KCNT2: variants seen among roughly 807,000 people sequenced by gnomAD.
KCNT2 encodes the protein potassium sodium-activated channel subfamily T member 2.
KCNT2 carries 67 observed loss-of-function variants against 153.8 expected under a neutral mutation model. The observed-to-expected ratio is 0.44, with a 90% confidence interval of 0.36 to 0.53. The LOEUF (loss-of-function observed/expected upper bound fraction) is 0.53, where lower values mean the gene tolerates loss of function less well. KCNT2 is among the 20% of genes least tolerant of loss of function. KCNT2 has a pLI of 0.00. For missense variants in KCNT2, 975 were observed against 1,354.8 expected (o/e 0.72, Z 4.40); for synonymous variants, 500 against 458.8 (o/e 1.09, Z -1.15).
At chr1:196,291,416 A>T (rs1199277672) in intron 22 of KCNT2, among the ~76,000 whole-genome samples, 1 of 152,032 alleles carries the variant, frequency 6.6e-6, no homozygotes, top group African/African-American at 2.4e-5. Context: ...TAAGATTCCA[A>T]GCATCTGATT....
Position 196,227,675 on chromosome 1 carries a change from A to G in KCNT2, c.*549T>C, listed in dbSNP as rs1446062388. On this transcript the variant is annotated 3_prime_UTR_variant, in exon 28 of 28. Transcript: ENST00000294725. ...ATATCGTAAGGCAGAAAAAAAAGTT[A>G]AAATGACTTAAAGATTTGTATTCTA... The G allele has an allele frequency of 6.6e-6, 1 of 152,552 alleles. No individual in the cohort carries two copies. The highest frequency in any genetic ancestry group is 1.5e-5 in the Non-Finnish European group (1 of 67,962). The allele number at this position is 152,552 out of a possible 1,614,324, so 9.4% of individuals were successfully genotyped here.
At chr1:196,328,538 A>T (rs1216091187) in intron 18 of KCNT2, among the ~76,000 whole-genome samples, 1 of 151,996 alleles carries the variant, frequency 6.6e-6, no homozygotes, top group African/African-American at 2.4e-5. Flanking sequence ...GAAAAGAGCC[A>T]CATCTACAAG....
intron 1 of KCNT2, among the ~76,000 whole-genome samples, chr1:196,530,246 AT>A (rs1199566917): frequency 6.6e-6 from 1 of 152,024 alleles, no homozygotes; most frequent in Non-Finnish European, 1.5e-5. Context: ...TTAGGAGGAG[AT>A]TTAAAATTTA....
intron 1 of KCNT2, among the ~76,000 whole-genome samples, chr1:196,559,790 T>C (rs943586283): frequency 1.3e-5 from 2 of 151,828 alleles, no homozygotes; most frequent in Non-Finnish European, 1.5e-5. Context: ...ATTAGTTCTT[T>C]GCAAAATATT....
chr1:196,449,890 A>C (rs186948774), intron 8 of KCNT2, among the ~76,000 whole-genome samples: 1 of 151,902 alleles, frequency 6.6e-6, no homozygotes, highest in East Asian at 2.0e-4. Flanking sequence ...TGAATTCAGC[A>C]TAAGTTTGGT....
intron 26 of KCNT2, among the ~76,000 whole-genome samples, chr1:196,247,404 A>G (rs1655551369): frequency 6.6e-6 from 1 of 152,196 alleles, no homozygotes; most frequent in Admixed American, 6.5e-5. Context: ...GAAATGTCAG[A>G]CTTAATCCTT....
intron 1 of KCNT2, among the ~76,000 whole-genome samples, chr1:196,508,496 T>G (rs191842077): frequency 6.6e-6 from 1 of 152,272 alleles, no homozygotes; most frequent in East Asian, 1.9e-4. Flanking sequence ...CATTAATTAT[T>G]TGAAGTCTTA....
chr1:196,495,489 A>G (rs1680181489), intron 1 of KCNT2, among the ~76,000 whole-genome samples: 1 of 151,452 alleles, frequency 6.6e-6, no homozygotes, highest in Admixed American at 6.6e-5. Context: ...TCCTCCCTCC[A>G]TTCCTTCCTC....
At chr1:196,357,115 T>C (rs1667238309) in intron 14 of KCNT2, among the ~76,000 whole-genome samples, 1 of 151,958 alleles carries the variant, frequency 6.6e-6, no homozygotes. Context: ...TTGTTAAATC[T>C]TGAACATCGT....
At chr1:196,248,292 A>G (rs549550279) in intron 26 of KCNT2, among the ~76,000 whole-genome samples, 1 of 152,220 alleles carries the variant, frequency 6.6e-6, no homozygotes, top group Admixed American at 6.5e-5. Context: ...AAGAAACAAT[A>G]AAGGTATGAG....
At chr1:196,463,277 T>C (rs1379632738) in intron 8 of KCNT2, among the ~76,000 whole-genome samples, 1 of 151,832 alleles carries the variant, frequency 6.6e-6, no homozygotes, top group African/African-American at 2.4e-5. Flanking sequence ...TATATAACAT[T>C]GTTTATATGT....
chr1:196,397,600 G>A (rs1221869359), intron 13 of KCNT2, among the ~76,000 whole-genome samples: 1 of 151,386 alleles, frequency 6.6e-6, no homozygotes, highest in African/African-American at 2.4e-5. Context: ...TAAATTGTTT[G>A]CTATACATTG....
chr1:196,538,033 C>T (rs904109300), intron 1 of KCNT2, among the ~76,000 whole-genome samples: 2 of 152,162 alleles, frequency 1.3e-5, no homozygotes, highest in Non-Finnish European at 2.9e-5. Flanking sequence ...AGCCAGGTTT[C>T]CAGGTGCCCC....
At position 196,282,437 on chromosome 1, in the gene KCNT2, T is replaced by A. The variant is rs896654823; in HGVS notation, c.2698-81A>T. 4 of 655,898 alleles carry A rather than the reference T, an allele frequency of 6.1e-6. No homozygotes were observed. The African/African-American group carries it at 7.5e-5, about 12-fold the overall frequency. 40.6% of individuals were successfully genotyped at this position (655,898 alleles called of 1,614,324 possible). A position where few individuals can be genotyped will look rare whatever the true frequency, so the allele number is the denominator to read the frequency against. On this transcript the variant is annotated intron_variant, in intron 23 of 27. Coordinates refer to ENST00000294725, the MANE Select transcript of KCNT2 (RefSeq NM_198503.5). ...GAGATGTGTAGAACAGCTAAAAGTGTGAACATCTGACTTCTAAAAGATTAT... is the reference window on the plus strand; with the variant it reads ...GAGATGTGTAGAACAGCTAAAAGTGAGAACATCTGACTTCTAAAAGATTAT...
At chr1:196,320,920 A>C (rs1019770906) in intron 19 of KCNT2, among the ~76,000 whole-genome samples, 1 of 150,302 alleles carries the variant, frequency 6.7e-6, no homozygotes, top group East Asian at 2.0e-4. Context: ...AGTTCTTTGC[A>C]GTACCTTGCT....
chr1:196,549,106 TA>T (rs2148892535), intron 1 of KCNT2, among the ~76,000 whole-genome samples: 1 of 152,198 alleles, frequency 6.6e-6, no homozygotes, highest in Non-Finnish European at 1.5e-5. Flanking sequence ...TATACATATG[TA>T]ACTAACCTGC....
intron 20 of KCNT2, among the ~76,000 whole-genome samples, chr1:196,317,773 T>C (rs755836079): frequency 1.2e-4 from 18 of 151,736 alleles, no homozygotes; most frequent in Non-Finnish European, 2.4e-4. Context: ...GTACCTGTGC[T>C]AAATAGCTGT....
chr1:196,457,774 A>G (rs1676806492), intron 8 of KCNT2, among the ~76,000 whole-genome samples: 1 of 151,972 alleles, frequency 6.6e-6, no homozygotes, highest in Non-Finnish European at 1.5e-5. Context: ...AGAAGGAGTC[A>G]ACAGTTAACT....
intron 25 of KCNT2, among the ~76,000 whole-genome samples, chr1:196,277,635 G>T (rs572718870): frequency 6.6e-6 from 1 of 152,156 alleles, no homozygotes; most frequent in South Asian, 2.1e-4. Flanking sequence ...CTCTCCAATA[G>T]TAATTACTGA....
Sources: gnomAD v4.1 joint callset for allele counts (sites outside exome capture counted in the v4.1 genomes callset) on GRCh38, gnomAD v4.1.1 for gene constraint, MANE v1.5 for transcripts, NCBI Gene and HGNC (gene_info 2026-07-23, HGNC 2026-07-21) for gene names.